Variants in PGK1 observed in about 807,000 individuals in gnomAD.
PGK1 encodes PRP 2.
Under a neutral mutation model 26.9 loss-of-function variants are expected in PGK1, and 3 were observed. That is an observed-to-expected ratio of 0.11 (90% confidence interval 0.05 to 0.29). The LOEUF is 0.29. PGK1 is among the 10% of genes least tolerant of loss of function. PGK1 has a pLI of 1.00. For synonymous variants in PGK1, 125 were observed against 115.3 expected, an observed-to-expected ratio of 1.08 and a Z score of -0.54; for missense variants, 270 against 314.7, an observed-to-expected ratio of 0.86 and a Z score of 1.07.
At chrX:78,118,886 C>T (rs1170177986) in intron 6 of PGK1, among the ~76,000 whole-genome samples, 2 of 111,333 alleles carry the variant, frequency 1.8e-5, no homozygotes, top group African/African-American at 3.3e-5. Flanking sequence ...TGCTGCACCC[C>T]CTCCCACCCT....
Position 78,123,305 on chromosome X carries a change from T to C in PGK1, c.867T>C (p.Ala289=), listed in dbSNP as rs782582492. The C allele has an allele frequency of 8.3e-7, 1 of 1,208,972 alleles. No homozygotes were observed. Among genetic ancestry groups the C allele is most frequent in the South Asian group, 1.8e-5 (1 of 56,858 alleles). The change falls in exon 8 of 11, where the codon GCT becomes GCC. Residue 289 remains alanine, a synonymous_variant. Coordinates refer to ENST00000373316, the MANE Select transcript of PGK1 (RefSeq NM_000291.4). ...KITLPVDFVT[A]DKFDENAKTG... ...CCTTGCCTGTTGACTTTGTCACTGCTGACAAGTTTGATGAGAATGCCAAGA... is the reference window on the plus strand; with the variant it reads ...CCTTGCCTGTTGACTTTGTCACTGCCGACAAGTTTGATGAGAATGCCAAGA...
rs2007039 is a variant in PGK1, at chrX:78,118,027, C to T, written c.522-24C>T. ...AGGAATGATAGGGATTGACTAGAATCTGAATGTCTTTGATCTTTTCTAGCT... is the reference window on the plus strand; with the variant it reads ...AGGAATGATAGGGATTGACTAGAATTTGAATGTCTTTGATCTTTTCTAGCT... On this transcript the variant is annotated intron_variant, in intron 5 of 10. Coordinates refer to ENST00000373316, the MANE Select transcript of PGK1 (RefSeq NM_000291.4). 0.23 allele frequency: 274,050 copies of T among 1,194,228 alleles called. 23,086 individuals carry two copies. The highest frequency in any genetic ancestry group is 0.41 in the East Asian group (13,633 of 33,648).
chrX:78,110,345 A>C (rs1408638206), intron 2 of PGK1, among the ~76,000 whole-genome samples: 3 of 109,459 alleles, frequency 2.7e-5, no homozygotes, highest in African/African-American at 9.9e-5. Context: ...TTTTTTGTAG[A>C]GATGGGGTCT....
chrX:78,108,018 C>G (rs1179344750), intron 1 of PGK1, among the ~76,000 whole-genome samples: 5 of 109,623 alleles, frequency 4.6e-5, no homozygotes, highest in Non-Finnish European at 9.5e-5. Flanking sequence ...CAAGTAGAAT[C>G]TGTAGGCAAG....
At position 78,125,837 on chromosome X, in the gene PGK1, C is replaced by T. The variant is rs781848681; in HGVS notation, c.*7C>T. On this transcript the variant is annotated 3_prime_UTR_variant, in exon 11 of 11. Transcript: ENST00000373316. ...TGCTCTCAGCAATATTTAGTACTTT[C>T]CTGCCTTTTAGTTCCTGTGCACAGC... 1 of 1,189,872 alleles carries T rather than the reference C, an allele frequency of 8.4e-7. No homozygotes were observed. The highest frequency in any genetic ancestry group is 1.1e-6 in the Non-Finnish European group (1 of 875,596).
intron 4 of PGK1, 124 bp from the exon 5 acceptor site, chrX:78,117,188 T>TA (rs782555469): frequency 2.7e-4 from 144 of 528,182 alleles, no homozygotes; most frequent in Non-Finnish European, 4.5e-4. Flanking sequence ...CTGCTGGTTG[T>TA]AAAAAATCGC....
At chrX:78,104,940 G>A (rs1557246034) in intron 1 of PGK1, among the ~76,000 whole-genome samples, 1 of 112,019 alleles carries the variant, frequency 8.9e-6, no homozygotes, top group Non-Finnish European at 1.9e-5. Context: ...GAATTGGGGT[G>A]GGAGGGTAGG....
chrX:78,125,957 A>G lies in PGK1; in HGVS notation c.*127A>G, dbSNP rs902225457. The G allele has an allele frequency of 5.0e-6, 3 of 600,356 alleles. No individual in the cohort carries two copies. The highest frequency in any genetic ancestry group is 2.2e-5 in the Admixed American group (1 of 44,860). 49.5% of individuals were successfully genotyped at this position (600,356 alleles called of 1,213,427 possible). ...GCTAGTGGCCAAGAGATGCAGTGCC[A>G]GGAACCCTTAAACAGTTGCACAGCA... On this transcript the variant is annotated 3_prime_UTR_variant, in exon 11 of 11. Coordinates refer to ENST00000373316, the MANE Select transcript of PGK1 (RefSeq NM_000291.4).
rs781979836 is a variant in PGK1 at position 78,104,446 on chromosome X, C to A, written c.65+41C>A. ...TGCCCGCGTGCTCTCTGTGCTCTGT[C>A]GCAAACCTCTTTGGCCGGAGCCGAC... On this transcript the variant is annotated intron_variant, in intron 1 of 10. Transcript: ENST00000373316. The A allele has an allele frequency of 1.8e-5, 18 of 1,026,859 alleles. No individual in the cohort carries two copies. In the Middle Eastern group the frequency reaches 1.0e-3, roughly 57 times the overall value. 84.6% of individuals were successfully genotyped at this position (1,026,859 alleles called of 1,213,427 possible).
At chrX:78,104,628 T>C (rs2056487646) in intron 1 of PGK1, among the ~76,000 whole-genome samples, 1 of 111,468 alleles carries the variant, frequency 9.0e-6, no homozygotes, top group Non-Finnish European at 1.9e-5. Context: ...TGGATCCCAC[T>C]GAGGAAGGGC....
chrX:78,110,322 TA>T (rs200641989), intron 2 of PGK1, among the ~76,000 whole-genome samples: 1 of 108,648 alleles, frequency 9.2e-6, no homozygotes, highest in African/African-American at 3.3e-5. Context: ...CTGGTTAAAT[TA>T]AAAAAAAATT....
chrX:78,120,474 T>G (rs1230935996), intron 6 of PGK1, among the ~76,000 whole-genome samples: 2 of 110,567 alleles, frequency 1.8e-5, no homozygotes, highest in African/African-American at 6.6e-5. Flanking sequence ...CATATCTATA[T>G]ATCTAGATCT....
At position 78,128,784 on chromosome X, in the gene PGK1, T is replaced by A. The variant is rs2078394419; in HGVS notation, c.*2954T>A. On this transcript the variant is annotated 3_prime_UTR_variant, in exon 11 of 11. Transcript: ENST00000373316. Reference sequence around the variant, plus strand: ...CCAAAATTTCCCTCTAGCACAGGGGTTTACACATGATCAAAAAGGAGTATA... The same window carrying A: ...CCAAAATTTCCCTCTAGCACAGGGGATTACACATGATCAAAAAGGAGTATA... 1 of 111,197 alleles carries A rather than the reference T, an allele frequency of 9.0e-6. No individual in the cohort carries two copies. The highest frequency in any genetic ancestry group is 1.9e-5 in the Non-Finnish European group (1 of 53,078). The allele number at this position is 111,197 out of a possible 1,213,427, so 9.2% of individuals were successfully genotyped here.
intron 6 of PGK1, among the ~76,000 whole-genome samples, chrX:78,120,203 C>T (rs1557247868): frequency 9.0e-6 from 1 of 111,517 alleles, no homozygotes; most frequent in East Asian, 2.8e-4. Context: ...AAGAAACACT[C>T]ATATGTATGG....
chrX:78,104,273 G>T lies in PGK1; in HGVS notation c.-68G>T, dbSNP rs971288997. 9 of 811,291 alleles carry T rather than the reference G, an allele frequency of 1.1e-5. No individual in the cohort carries two copies. The highest frequency in any genetic ancestry group is 1.7e-5 in the Non-Finnish European group (9 of 535,642). 66.9% of individuals were successfully genotyped at this position (811,291 alleles called of 1,213,427 possible). On this transcript the variant is annotated 5_prime_UTR_variant, in exon 1 of 11. Transcript: ENST00000373316. ...GTTCCGCATTCTGCAAGCCTCCGGAGCGCACGTCGGCAGTCGGCTCCCTCG... is the reference window on the plus strand; with the variant it reads ...GTTCCGCATTCTGCAAGCCTCCGGATCGCACGTCGGCAGTCGGCTCCCTCG...
At position 78,126,178 on chromosome X, in the gene PGK1, C is replaced by A; in HGVS notation, c.*348C>A. ...GATTAGCTTTGTCACTGTTTCACTA[C>A]TCAGCATGGAAACAAGATGAAATTC... is the stretch of plus-strand genomic sequence containing the variant. On this transcript the variant is annotated 3_prime_UTR_variant, in exon 11 of 11. Coordinates refer to ENST00000373316, the MANE Select transcript of PGK1 (RefSeq NM_000291.4). 4.6e-6 allele frequency: 1 copy of A among 215,449 alleles called. No individual in the cohort carries two copies. Among genetic ancestry groups the A allele is most frequent in the African/African-American group, 2.8e-5 (1 of 36,239 alleles). The allele number at this position is 215,449 out of a possible 1,213,427, so 17.8% of individuals were successfully genotyped here.
chrX:78,123,029 C>A, intron 7 of PGK1, 80 bp downstream of exon 7: 1 of 747,788 alleles, frequency 1.3e-6, no homozygotes, highest in Non-Finnish European at 2.1e-6. Flanking sequence ...AGAAAACAGT[C>A]TTTTGACATG....
rs782765869 is a variant in PGK1, at chrX:78,114,179, A to T, written c.417+19A>T. 2.5e-6 allele frequency: 3 copies of T among 1,198,562 alleles called. No homozygotes were observed. Among genetic ancestry groups the T allele is most frequent in the Non-Finnish European group, 3.4e-6 (3 of 883,519 alleles). ...GAACAAGGTAGGACCTGTGATTTTG[A>T]CATTATTGGGGGTGAGGGCCTGAGT... On this transcript the variant is annotated intron_variant, in intron 4 of 10. Transcript: ENST00000373316.
Position 78,119,773 on chromosome X carries a change from C to T in PGK1, c.641+1603C>T, listed in dbSNP as rs138238070. On this transcript the variant is annotated intron_variant, in intron 6 of 10. Transcript: ENST00000373316. ...GCCTTCCGCCACGATTGTAAATTTC[C>T]TGAGGCCTCTCCAGCCATGCGGAAC... 6.0e-3 allele frequency among the ~76,000 whole-genome samples: 667 copies of T among 111,829 alleles called. 2 individuals are homozygous for T. The highest frequency in any genetic ancestry group is 1.0e-2 in the Non-Finnish European group (529 of 53,146).
Sources: allele counts gnomAD v4.1 joint callset (sites outside exome capture counted in the v4.1 genomes callset), GRCh38; gene constraint gnomAD v4.1.1; transcripts MANE v1.5; gene names NCBI Gene and HGNC (gene_info 2026-07-23, HGNC 2026-07-21).